The following ALCAM variants were observed in gnomAD, a reference collection of about 807,000 sequenced individuals.
ALCAM encodes activated leukocyte cell adhesion molecule.
ALCAM carries 30 observed loss-of-function variants against 70.9 expected under a neutral mutation model. That is an observed-to-expected ratio of 0.42 (90% CI 0.32 to 0.57). The LOEUF (loss-of-function observed/expected upper bound fraction) is 0.57, where lower values mean the gene tolerates loss of function less well. Ranked by LOEUF, ALCAM falls within the 20% of genes least tolerant of loss-of-function variation. The pLI is 0.11. For synonymous variants in ALCAM, 249 were observed against 242.5 expected, an observed-to-expected ratio of 1.03 and a Z score of -0.25; for missense variants, 591 against 695.1, an observed-to-expected ratio of 0.85 and a Z score of 1.68.
chr3:105,405,884 A>T (rs1274190705), intron 1 of ALCAM, among the ~76,000 whole-genome samples: 1 of 152,180 alleles, frequency 6.6e-6, no homozygotes, highest in Non-Finnish European at 1.5e-5. Flanking sequence ...TTCCCGGACC[A>T]AACTGAGGGT....
chr3:105,417,744 T>G (rs1192431076), intron 1 of ALCAM, among the ~76,000 whole-genome samples: 1 of 151,836 alleles, frequency 6.6e-6, no homozygotes, highest in Non-Finnish European at 1.5e-5. Context: ...TTTTCATTTA[T>G]AAAGTTGTTC....
At chr3:105,391,386 G>T (rs908871360) in intron 1 of ALCAM, among the ~76,000 whole-genome samples, 1 of 152,062 alleles carries the variant, frequency 6.6e-6, no homozygotes, top group Admixed American at 6.6e-5. Context: ...TTCATGATTT[G>T]GTTCTCTGCT....
chr3:105,512,612 G>C (rs1221735948), intron 1 of ALCAM, among the ~76,000 whole-genome samples: 1 of 151,840 alleles, frequency 6.6e-6, no homozygotes, highest in Non-Finnish European at 1.5e-5. Flanking sequence ...TCAAATATAA[G>C]TTTCTACATC....
intron 1 of ALCAM, among the ~76,000 whole-genome samples, chr3:105,514,738 G>T (rs1370390813): frequency 2.0e-5 from 3 of 151,846 alleles, no homozygotes. Flanking sequence ...GGCAAGTGGT[G>T]GGGGGAGGAG....
chr3:105,416,888 A>T (rs1386075573), intron 1 of ALCAM, among the ~76,000 whole-genome samples: 1 of 151,970 alleles, frequency 6.6e-6, no homozygotes, highest in East Asian at 1.9e-4. Context: ...CATACTCATA[A>T]TAGAGCTGGA....
chr3:105,474,705 C>G (rs1204975316), intron 1 of ALCAM, among the ~76,000 whole-genome samples: 2 of 151,602 alleles, frequency 1.3e-5, no homozygotes, highest in Non-Finnish European at 2.9e-5. Context: ...GATCCATCTA[C>G]TACTTTGAAA....
intron 1 of ALCAM, among the ~76,000 whole-genome samples, chr3:105,370,801 G>A (rs868273698): frequency 1.3e-5 from 2 of 151,678 alleles, no homozygotes; most frequent in Non-Finnish European, 2.9e-5. Context: ...AAGTAAGAAA[G>A]GATAGTAGGC....
chr3:105,493,567 G>C (rs1444772633), intron 1 of ALCAM, among the ~76,000 whole-genome samples: 1 of 152,150 alleles, frequency 6.6e-6, no homozygotes, highest in Non-Finnish European at 1.5e-5. Context: ...CAGTGAGGAA[G>C]ACGTAGATAC....
Position 105,540,102 on chromosome 3 carries a change from A to C in ALCAM, c.858A>C (p.Pro286=), listed in dbSNP as rs141740492. 1.9e-6 allele frequency: 3 copies of C among 1,610,878 alleles called. No individual in the cohort carries two copies. Residue 286 remains proline (P), a splice_region_variant and synonymous_variant, in exon 7 of 16, where the codon CCA becomes CCC. Transcript: ENST00000306107. The part of the protein sequence containing the change: ...PPPEEFLFYL[P]GQPEGIRSSN... ...CAGAGGAATTTTTGTTTTACTTACC[A>C]GTAAGTGCTTAAGTATTACTTCAGT... is the stretch of plus-strand genomic sequence containing the variant.
intron 1 of ALCAM, among the ~76,000 whole-genome samples, chr3:105,407,164 A>G (rs990742672): frequency 4.6e-5 from 7 of 152,192 alleles, no homozygotes; most frequent in Non-Finnish European, 7.3e-5. Context: ...ACACTATTCC[A>G]AAAGATAGAG....
At chr3:105,563,972 C>A (rs554302230) in intron 14 of ALCAM, among the ~76,000 whole-genome samples, 73 of 152,012 alleles carry the variant, frequency 4.8e-4, no homozygotes, top group Admixed American at 2.2e-3. Flanking sequence ...CAGGCGTGAG[C>A]CACCGCGCCC....
intron 1 of ALCAM, among the ~76,000 whole-genome samples, chr3:105,368,847 G>T (rs1233829737): frequency 6.6e-6 from 1 of 152,098 alleles, no homozygotes; most frequent in African/African-American, 2.4e-5. Flanking sequence ...TGATGTTTCT[G>T]AGGCTGAGGG....
chr3:105,456,034 G>A (rs1937531885), intron 1 of ALCAM, among the ~76,000 whole-genome samples: 1 of 152,172 alleles, frequency 6.6e-6, no homozygotes, highest in Non-Finnish European at 1.5e-5. Flanking sequence ...AGCCGAGATC[G>A]CGCCAATGGA....
In ALCAM at chr3:105,398,823, A is replaced by G. The variant is rs556471045; in HGVS notation, c.73+31342A>G. The stretch of plus-strand genomic sequence containing the variant: ...GTCTACATTTTTCTTAGCACTGGAG[A>G]TTGCTTGTTGCTTTGTTCCTTCTGC... On this transcript the variant is annotated intron_variant, in intron 1 of 15. Coordinates refer to ENST00000306107, the MANE Select transcript of ALCAM (RefSeq NM_001627.4). Among the ~76,000 whole-genome samples the G allele has an allele frequency of 4.9e-4, 74 of 151,892 alleles. 1 individual carries two copies. Among genetic ancestry groups the G allele is most frequent in the Middle Eastern group, 3.4e-3 (1 of 294 alleles).
At chr3:105,464,398 C>T (rs1188571656) in intron 1 of ALCAM, among the ~76,000 whole-genome samples, 2 of 151,022 alleles carry the variant, frequency 1.3e-5, no homozygotes, top group African/African-American at 2.4e-5. Context: ...TTAACAAAGA[C>T]GTACAGGTGA....
chr3:105,524,208 C>T, intron 2 of ALCAM, 81 bp from the exon 3 acceptor site: 1 of 1,194,550 alleles, frequency 8.4e-7, no homozygotes. Flanking sequence ...TAGAATATGG[C>T]CAAGGAAATG....
chr3:105,479,668 A>C (rs759764593), intron 1 of ALCAM, among the ~76,000 whole-genome samples: 6 of 152,160 alleles, frequency 3.9e-5, no homozygotes, highest in Admixed American at 6.6e-5. Context: ...ATTCTTTATA[A>C]TGACCATCAT....
chr3:105,508,635 T>C (rs189778409), intron 1 of ALCAM, among the ~76,000 whole-genome samples: 1 of 152,166 alleles, frequency 6.6e-6, no homozygotes, highest in Non-Finnish European at 1.5e-5. Context: ...CTATACAACA[T>C]GAGGTTTTGA....
chr3:105,534,994 C>G lies in ALCAM; in HGVS notation c.730+149C>G. ...GATGGCACCCAAATAATCTCTTCCTCTTTAGGAGACCATAGCATGAATAAA... is the reference window on the plus strand; with the variant it reads ...GATGGCACCCAAATAATCTCTTCCTGTTTAGGAGACCATAGCATGAATAAA... On this transcript the variant is annotated intron_variant, in intron 6 of 15. Transcript: ENST00000306107. 8.8e-6 allele frequency: 6 copies of G among 680,866 alleles called. No individual in the cohort carries two copies. The South Asian group carries it at 1.2e-4, about 14-fold the overall frequency. The allele number at this position is 680,866 out of a possible 1,614,324, so 42.2% of individuals were successfully genotyped here. A position where few individuals can be genotyped will look rare whatever the true frequency, so the allele number is the denominator to read the frequency against.
Sources: allele counts gnomAD v4.1 joint callset (sites outside exome capture counted in the v4.1 genomes callset), GRCh38; gene constraint gnomAD v4.1.1; transcripts MANE v1.5; gene names NCBI Gene and HGNC (gene_info 2026-07-23, HGNC 2026-07-21).